The following TACC1 variants were observed in gnomAD, a reference collection of about 807,000 sequenced individuals.
TACC1 encodes transforming acidic coiled-coil-containing protein 1.
In TACC1, 48 loss-of-function variants were observed where a neutral mutation model predicts 84.4. That is an observed-to-expected ratio of 0.57 (90% CI 0.45 to 0.72). The LOEUF (loss-of-function observed/expected upper bound fraction) is 0.72, where lower values mean the gene tolerates loss of function less well. Ranked by LOEUF, TACC1 falls within the 30% of genes least tolerant of loss-of-function variation. The pLI, the probability that TACC1 is intolerant of heterozygous loss-of-function variation, is 0.00. For synonymous variants in TACC1, 372 were observed against 376.3 expected (o/e 0.99, Z 0.13); for missense variants, 920 against 973.0 (o/e 0.95, Z 0.72).
Position 38,842,444 on chromosome 8 carries a change from G to T in TACC1, c.2118G>T (p.Lys706Asn). The T allele has an allele frequency of 6.2e-7, 1 of 1,605,338 alleles. No individual in the cohort carries two copies. Among genetic ancestry groups the T allele is most frequent in the Non-Finnish European group, 8.5e-7 (1 of 1,177,186 alleles). Residue 706 changes from lysine (K) to asparagine (N), a missense_variant, in exon 10 of 13, where the codon AAG becomes AAT. Around this residue, in one of 2 missense-constraint regions of TACC1, gnomAD observed 158 missense variants for 225.6 expected, o/e 0.70. Coordinates refer to ENST00000317827, the MANE Select transcript of TACC1 (RefSeq NM_006283.3). ...TGAAAGGTGTTCTGGAAGGGTTCAAGAAGGTAGAGTGTTTTTTCCCTCTGT... is the reference window on the plus strand; with the variant it reads ...TGAAAGGTGTTCTGGAAGGGTTCAATAAGGTAGAGTGTTTTTTCCCTCTGT... ...ENLKGVLEGFKKNEEALKKCA... is the reference protein window; with the variant it reads ...ENLKGVLEGFNKNEEALKKCA...
At chr8:38,842,847 A>G (rs1447382436) in intron 10 of TACC1, among the ~76,000 whole-genome samples, 1 of 152,266 alleles carries the variant, frequency 6.6e-6, no homozygotes, top group Non-Finnish European at 1.5e-5. Context: ...TTCAAGCTGC[A>G]TATTCTAGAA....
intron 3 of TACC1, among the ~76,000 whole-genome samples, chr8:38,822,277 C>T (rs1031006568): frequency 2.0e-5 from 3 of 147,414 alleles, no homozygotes; most frequent in African/African-American, 7.5e-5. Context: ...CTACTATAGG[C>T]AGTGTAACAC....
intron 8 of TACC1, among the ~76,000 whole-genome samples, chr8:38,838,802 A>T (rs187465280): frequency 1.3e-5 from 2 of 152,140 alleles, no homozygotes; most frequent in African/African-American, 4.8e-5. Flanking sequence ...CATAATTCTT[A>T]TCTTCTTAGA....
At chr8:38,730,404 C>T (rs1356764869) in intron 1 of TACC1, among the ~76,000 whole-genome samples, 3 of 152,234 alleles carry the variant, frequency 2.0e-5, no homozygotes, top group South Asian at 2.1e-4. Flanking sequence ...ATTGTGCTCA[C>T]GGTTATGAAC....
intron 2 of TACC1, among the ~76,000 whole-genome samples, chr8:38,808,993 C>A (rs1823419794): frequency 1.3e-5 from 2 of 151,896 alleles, no homozygotes; most frequent in Admixed American, 6.6e-5. Flanking sequence ...TAGGGCTGGG[C>A]AAGTTTATTT....
At chr8:38,768,811 T>A (rs745688960) in intron 3 of TACC1, among the ~76,000 whole-genome samples, 1 of 151,708 alleles carries the variant, frequency 6.6e-6, no homozygotes, top group South Asian at 2.1e-4. Context: ...GTGGTGTGTG[T>A]GGTTATATGT....
At position 38,799,345 on chromosome 8, in the gene TACC1, C is replaced by T. The variant is rs145595813; in HGVS notation, c.277+10526C>T. On this transcript the variant is annotated intron_variant, in intron 2 of 12. Coordinates refer to ENST00000317827, the MANE Select transcript of TACC1 (RefSeq NM_006283.3). The stretch of plus-strand genomic sequence containing the variant: ...AGTCCTTTATGTATCAGACACTTGC[C>T]CTGCAGTGGGCACTGATTGAGCATC... 5.0e-3 allele frequency among the ~76,000 whole-genome samples: 765 copies of T among 152,262 alleles called. 3 individuals carry two copies. The highest frequency in any genetic ancestry group is 0.016 in the African/African-American group (676 of 41,484).
intron 9 of TACC1, 115 bp from the exon 10 acceptor site, chr8:38,842,172 G>T: frequency 8.4e-7 from 1 of 1,195,120 alleles, no homozygotes; most frequent in Middle Eastern, 2.5e-4. Flanking sequence ...AGCCATAAGA[G>T]CGGGAATTTG....
At chr8:38,738,585 G>C (rs937017536) in intron 1 of TACC1, among the ~76,000 whole-genome samples, 3 of 151,796 alleles carry the variant, frequency 2.0e-5, no homozygotes, top group African/African-American at 7.3e-5. Context: ...CGCCCATTGA[G>C]CGCTCTCTCA....
At chr8:38,744,740 T>G (rs775612052) in intron 2 of TACC1, among the ~76,000 whole-genome samples, 10 of 151,096 alleles carry the variant, frequency 6.6e-5, no homozygotes, top group Non-Finnish European at 1.2e-4. Flanking sequence ...TTCTTTGATT[T>G]TAAAAGTAGT....
upstream of TACC1, among the ~76,000 whole-genome samples, chr8:38,783,416 G>A (rs1306853214): frequency 1.3e-5 from 2 of 151,504 alleles, no homozygotes; most frequent in Admixed American, 6.6e-5. Context: ...AACTCTGAAA[G>A]AGTATTTTCT....
intron 2 of TACC1, among the ~76,000 whole-genome samples, chr8:38,813,522 T>C (rs1824728616): frequency 1.3e-5 from 2 of 152,210 alleles, no homozygotes; most frequent in African/African-American, 4.8e-5. Context: ...TGTTTCTGTT[T>C]ATCTGTTAAT....
intron 3 of TACC1, among the ~76,000 whole-genome samples, chr8:38,774,929 TGAACCCCAGAGGCAGAGGTTGCAGTGAGC>T (rs1734132639): frequency 6.8e-6 from 1 of 147,146 alleles, no homozygotes; most frequent in African/African-American, 2.5e-5. Context: ...GAGAATCGCT[TGAACCCCAGAGGCAGAGGTTGCAGTGAGC>T]GAAGATCGCA....
At chr8:38,821,651 GT>G (rs979568650) in intron 3 of TACC1, among the ~76,000 whole-genome samples, 2 of 152,200 alleles carry the variant, frequency 1.3e-5, no homozygotes, top group African/African-American at 4.8e-5. Context: ...GGTCCTTGGT[GT>G]TTTCAGTGTA....
chr8:38,821,164 C>T (rs536353229), intron 3 of TACC1, among the ~76,000 whole-genome samples: 5 of 151,738 alleles, frequency 3.3e-5, no homozygotes, highest in African/African-American at 4.8e-5. Context: ...GAGATCACGC[C>T]GCTGCTCTCC....
chr8:38,820,558 T>G lies in TACC1; in HGVS notation c.1314T>G (p.Ser438Arg), dbSNP rs757677950. ...AACCAACTACGACCTTAACAAGCAG[T>G]GACTTTTGTTCTCCCACTGGTAATC... ...PFKPTTTLTS[S>R]DFCSPTGNHV... Residue 438 changes from serine (S) to arginine (R), a missense_variant, in exon 3 of 13, where the codon AGT (serine) becomes AGG (arginine). Physicochemically the swap from Ser to Arg is moderately radical, Grantham distance 110. This residue lies in a region of TACC1 where 762 missense variants were observed against 747.3 expected (regional missense o/e 1.02). Coordinates refer to ENST00000317827, the MANE Select transcript of TACC1 (RefSeq NM_006283.3). The G allele has an allele frequency of 1.5e-5, 24 of 1,613,972 alleles. 1 individual carries two copies. In the East Asian group the frequency reaches 5.1e-4, roughly 34 times the overall value.
chr8:38,832,895 T>C (rs1173550210), intron 6 of TACC1, among the ~76,000 whole-genome samples: 1 of 152,250 alleles, frequency 6.6e-6, no homozygotes, highest in Non-Finnish European at 1.5e-5. Context: ...ATCAGTGGCA[T>C]CTGTGCTCAC....
chr8:38,799,126 C>T (rs560793773), intron 2 of TACC1, among the ~76,000 whole-genome samples: 1 of 152,272 alleles, frequency 6.6e-6, no homozygotes, highest in South Asian at 2.1e-4. Context: ...TCCTGAAGCC[C>T]TTGATTCAGT....
intron 1 of TACC1, among the ~76,000 whole-genome samples, chr8:38,738,071 C>T (rs1326773556): frequency 6.6e-6 from 1 of 151,934 alleles, no homozygotes; most frequent in Non-Finnish European, 1.5e-5. Flanking sequence ...TAGAGATCTT[C>T]CTGTAGTTCC....
Sources: gnomAD v4.1 joint callset for allele counts (sites outside exome capture counted in the v4.1 genomes callset) on GRCh38, gnomAD v4.1.1 for gene constraint, gnomAD v4.1.1 regional missense constraint, MANE v1.5 for transcripts, NCBI Gene and HGNC (gene_info 2026-07-23, HGNC 2026-07-21) for gene names.